OR5AS1: variants seen among roughly 807,000 people sequenced by gnomAD.
OR5AS1 encodes olfactory receptor family 5 subfamily AS member 1.
For synonymous variants in OR5AS1, 196 were observed against 141.7 expected (o/e 1.38, Z -2.72); for missense variants, 492 against 378.2 (o/e 1.30, Z -2.50).
chr11:56,031,645 T>G lies in OR5AS1; in HGVS notation c.*252T>G, dbSNP rs188166215. 3.9e-4 allele frequency: 112 copies of G among 286,640 alleles called. No homozygotes were observed. The highest frequency in any genetic ancestry group is 2.4e-3 in the African/African-American group (108 of 45,938). 17.8% of individuals were successfully genotyped at this position (286,640 alleles called of 1,614,324 possible). Reference sequence around the variant, plus strand: ...TGTACATTGATTCTGTTCTTTACGATGTTGTATTGAAGGTAAATATTGACT... The same window carrying G: ...TGTACATTGATTCTGTTCTTTACGAGGTTGTATTGAAGGTAAATATTGACT... On this transcript the variant is annotated 3_prime_UTR_variant, in exon 2 of 2. Transcript: ENST00000641320.
chr11:56,030,666 C>G lies in OR5AS1; in HGVS notation c.248C>G (p.Ala83Gly), dbSNP rs1323955707. The G allele has an allele frequency of 3.8e-6, 6 of 1,584,004 alleles. No homozygotes were observed. The highest frequency in any genetic ancestry group is 4.3e-6 in the Non-Finnish European group (5 of 1,163,772). ...CSTAITPKMLANFLASRKSIS... is the reference protein window; with the variant it reads ...CSTAITPKMLGNFLASRKSIS... ...ACAGCAATCACTCCTAAAATGCTGG[C>G]AAACTTCTTGGCATCCAGGAAAAGC... The change falls in exon 2 of 2, where the codon GCA becomes GGA. Residue 83 changes from alanine (A) to glycine (G), a missense_variant. By Grantham distance (60) the Ala-to-Gly change is moderately conservative (BLOSUM62 0). Transcript: ENST00000641320.
rs1853337220 is a variant in OR5AS1 at position 56,030,625 on chromosome 11, A to G, written c.207A>G (p.Leu69=). ...ATTTTCTTAGCAACTTATCTTTCTT[A>G]GACATCAGCTGTTCTACAGCAATCA... ...MYYFLSNLSF[L]DISCSTAITP... Residue 69 remains leucine (L), a synonymous_variant, in exon 2 of 2, where the codon TTA becomes TTG. Transcript: ENST00000641320. 6.4e-7 allele frequency: 1 copy of G among 1,551,558 alleles called. No homozygotes were observed. The highest frequency in any genetic ancestry group is 8.7e-7 in the Non-Finnish European group (1 of 1,152,136).
Position 56,031,017 on chromosome 11 carries a change from T to G in OR5AS1, c.599T>G (p.Phe200Cys). ...ACTCAGATCAACCAGCTTCTGCTCT[T>G]TGCTTTGTGCAGCTTCATCCAGACC... The part of the protein sequence containing the change: ...TDTQINQLLL[F>C]ALCSFIQTST... The change falls in exon 2 of 2, where the codon TTT becomes TGT. Residue 200 changes from phenylalanine (F) to cysteine (C), a missense_variant. Physicochemically the swap from Phe to Cys is radical, Grantham distance 205. Coordinates refer to ENST00000641320, the MANE Select transcript of OR5AS1 (RefSeq NM_001001921.2). 1 of 1,614,182 alleles carries G rather than the reference T, an allele frequency of 6.2e-7. No individual in the cohort carries two copies. Among genetic ancestry groups the G allele is most frequent in the South Asian group, 1.1e-5 (1 of 91,092 alleles).
rs1853380638 is a variant in OR5AS1, at chr11:56,034,171, T to G, written c.*2778T>G. The G allele has an allele frequency of 6.6e-6, 1 of 152,124 alleles. No individual in the cohort carries two copies. Among genetic ancestry groups the G allele is most frequent in the South Asian group, 2.1e-4 (1 of 4,832 alleles). 9.4% of individuals were successfully genotyped at this position (152,124 alleles called of 1,614,324 possible). A position where few individuals can be genotyped will look rare whatever the true frequency, so the allele number is the denominator to read the frequency against. On this transcript the variant is annotated 3_prime_UTR_variant, in exon 2 of 2. Transcript: ENST00000641320. ...CCAATGCAAAAAGGCTGAAAATTTC[T>G]AAAACCAGACATCTCTTCTCCCACA...
chr11:56,036,087 G>A lies in OR5AS1; in HGVS notation c.*4694G>A, dbSNP rs933437651. On this transcript the variant is annotated 3_prime_UTR_variant, in exon 2 of 2. Coordinates refer to ENST00000641320, the MANE Select transcript of OR5AS1 (RefSeq NM_001001921.2). Reference sequence around the variant, plus strand: ...TAAATAAGTTATTTGAAACCAATGAGAACAAAGACACAAGGTATCAGAATC... The same window carrying A: ...TAAATAAGTTATTTGAAACCAATGAAAACAAAGACACAAGGTATCAGAATC... 15 of 152,116 alleles carry A rather than the reference G, an allele frequency of 9.9e-5. No homozygotes were observed. The East Asian group carries it at 2.9e-3, about 29-fold the overall frequency. 9.4% of individuals were successfully genotyped at this position (152,116 alleles called of 1,614,324 possible). A position where few individuals can be genotyped will look rare whatever the true frequency, so the allele number is the denominator to read the frequency against.
At position 56,030,836 on chromosome 11, in the gene OR5AS1, GTC is replaced by G. The variant is rs755949739; in HGVS notation, c.420_421del (p.Val142LeufsTer38). ...CTATACTACACTGATGTCTAGGAGA[GTC>G]TGTGTCTGCTTCATTGTGTTGGCAT... Reference protein sequence around the residue: ...LLYTTLMSRRVCVCFIVLAYF... With the variant: ...LLYTTLMSRRXCVCFIVLAYF... On this transcript the variant is annotated frameshift_variant, in exon 2 of 2. Coordinates refer to ENST00000641320, the MANE Select transcript of OR5AS1 (RefSeq NM_001001921.2). LOFTEE classifies it low-confidence loss of function (END_TRUNC). 7.4e-6 allele frequency: 12 copies of G among 1,613,546 alleles called. No individual in the cohort carries two copies. The highest frequency in any genetic ancestry group is 1.7e-6 in the Non-Finnish European group (2 of 1,179,608).
rs555503165 is a variant in OR5AS1, at chr11:56,036,053, A to C, written c.*4660A>C. 1 of 152,252 alleles carries C rather than the reference A, an allele frequency of 6.6e-6. No individual in the cohort carries two copies. The highest frequency in any genetic ancestry group is 6.5e-5 in the Admixed American group (1 of 15,292). 9.4% of individuals were successfully genotyped at this position (152,252 alleles called of 1,614,324 possible). A position where few individuals can be genotyped will look rare whatever the true frequency, so the allele number is the denominator to read the frequency against. On this transcript the variant is annotated 3_prime_UTR_variant, in exon 2 of 2. Transcript: ENST00000641320. ...GACTACTGGGTAAATAATGAAAATA[A>C]AGCAGAAATAAATAAGTTATTTGAA...
chr11:56,036,453 A>C lies in OR5AS1; in HGVS notation c.*5060A>C, dbSNP rs1489386669. 3.9e-5 allele frequency: 6 copies of C among 152,136 alleles called. No homozygotes were observed. The highest frequency in any genetic ancestry group is 7.3e-5 in the Non-Finnish European group (5 of 68,034). 9.4% of individuals were successfully genotyped at this position (152,136 alleles called of 1,614,324 possible). On this transcript the variant is annotated 3_prime_UTR_variant, in exon 2 of 2. Coordinates refer to ENST00000641320, the MANE Select transcript of OR5AS1 (RefSeq NM_001001921.2). ...AATAAAAAATTATAAAGGGGATATC[A>C]CCACTGTTCCCACAGAAATACAAAC...
rs1333179953 is a variant in OR5AS1, at chr11:56,037,750, T to C, written c.*6357T>C. 3.5e-4 allele frequency: 2 copies of C among 5,668 alleles called. No homozygotes were observed. Among genetic ancestry groups the C allele is most frequent in the Non-Finnish European group, 8.4e-4 (2 of 2,374 alleles). 0.4% of individuals were successfully genotyped at this position (5,668 alleles called of 1,614,324 possible). ...CTATCATTGAATTTCTTCACAGAATTAGAAAAAAAAAAAAACTACTTTAAA... is the reference window on the plus strand; with the variant it reads ...CTATCATTGAATTTCTTCACAGAATCAGAAAAAAAAAAAAACTACTTTAAA... On this transcript the variant is annotated 3_prime_UTR_variant, in exon 2 of 2. Transcript: ENST00000641320.
intron 1 of OR5AS1, among the ~76,000 whole-genome samples, chr11:56,030,045 C>T (rs559551712): frequency 6.6e-6 from 1 of 152,140 alleles, no homozygotes; most frequent in East Asian, 1.9e-4. Context: ...GAGAGCTTTG[C>T]CTCTAAAGAT....
Position 56,032,839 on chromosome 11 carries a change from G to A in OR5AS1, c.*1446G>A, listed in dbSNP as rs964088440. The stretch of plus-strand genomic sequence containing the variant: ...AGTTATGTTTGGTGGCTGGCAAGAT[G>A]GTCAAATAGGAGATGCTCCAGTCTG... On this transcript the variant is annotated 3_prime_UTR_variant, in exon 2 of 2. Transcript: ENST00000641320. The A allele has an allele frequency of 8.5e-5, 13 of 152,212 alleles. No homozygotes were observed. Among genetic ancestry groups the A allele is most frequent in the African/African-American group, 2.9e-4 (12 of 41,482 alleles). The allele number at this position is 152,212 out of a possible 1,614,324, so 9.4% of individuals were successfully genotyped here.
In OR5AS1 at chr11:56,033,765, T is replaced by C. The variant is rs1423775276; in HGVS notation, c.*2372T>C. The C allele has an allele frequency of 6.6e-6, 1 of 152,094 alleles. No homozygotes were observed. Among genetic ancestry groups the C allele is most frequent in the Non-Finnish European group, 1.5e-5 (1 of 68,064 alleles). The allele number at this position is 152,094 out of a possible 1,614,324, so 9.4% of individuals were successfully genotyped here. A position where few individuals can be genotyped will look rare whatever the true frequency, so the allele number is the denominator to read the frequency against. On this transcript the variant is annotated 3_prime_UTR_variant, in exon 2 of 2. Coordinates refer to ENST00000641320, the MANE Select transcript of OR5AS1 (RefSeq NM_001001921.2). ...GAGCAGCATACCTCCCAGCACATCGTTCAAGCTCTCCTAAGAGATAGACTC... is the reference window on the plus strand; with the variant it reads ...GAGCAGCATACCTCCCAGCACATCGCTCAAGCTCTCCTAAGAGATAGACTC...
In OR5AS1 at chr11:56,032,849, G is replaced by A. The variant is rs1853365404; in HGVS notation, c.*1456G>A. 1 of 152,116 alleles carries A rather than the reference G, an allele frequency of 6.6e-6. No individual in the cohort carries two copies. The highest frequency in any genetic ancestry group is 6.5e-5 in the Admixed American group (1 of 15,270). The allele number at this position is 152,116 out of a possible 1,614,324, so 9.4% of individuals were successfully genotyped here. A position where few individuals can be genotyped will look rare whatever the true frequency, so the allele number is the denominator to read the frequency against. On this transcript the variant is annotated 3_prime_UTR_variant, in exon 2 of 2. Coordinates refer to ENST00000641320, the MANE Select transcript of OR5AS1 (RefSeq NM_001001921.2). ...GGTGGCTGGCAAGATGGTCAAATAG[G>A]AGATGCTCCAGTCTGCTGCTCCCAG...
At position 56,034,408 on chromosome 11, in the gene OR5AS1, A is replaced by G. The variant is rs575113877; in HGVS notation, c.*3015A>G. ...GCTAATTAGAATAACTGGTTTGAAG[A>G]GAACATAAATAACCTGATGGAGCTG... is the stretch of plus-strand genomic sequence containing the variant. On this transcript the variant is annotated 3_prime_UTR_variant, in exon 2 of 2. Transcript: ENST00000641320. 6.6e-6 allele frequency: 1 copy of G among 152,268 alleles called. No homozygotes were observed. Among genetic ancestry groups the G allele is most frequent in the East Asian group, 1.9e-4 (1 of 5,182 alleles). 9.4% of individuals were successfully genotyped at this position (152,268 alleles called of 1,614,324 possible).
chr11:56,030,434 T>G lies in OR5AS1; in HGVS notation c.16T>G (p.Tyr6Asp). 6.7e-7 allele frequency: 1 copy of G among 1,484,096 alleles called. No homozygotes were observed. Among genetic ancestry groups the G allele is most frequent in the Non-Finnish European group, 9.0e-7 (1 of 1,116,674 alleles). 91.9% of individuals were successfully genotyped at this position (1,484,096 alleles called of 1,614,324 possible). The change falls in exon 2 of 2, where the codon TAC becomes GAC. Residue 6 changes from tyrosine to aspartate, a missense_variant. Transcript: ENST00000641320. The stretch of plus-strand genomic sequence containing the variant: ...GAAAACTAAGATGTTGGAGAGTAAT[T>G]ACACCATGCCAACTGAGTTCCTATT... MLESNYTMPTEFLFVG... is the reference protein window; with the variant it reads MLESNDTMPTEFLFVG...
chr11:56,030,652 T>C lies in OR5AS1; in HGVS notation c.234T>C (p.Thr78=). The C allele has an allele frequency of 6.3e-7, 1 of 1,578,752 alleles. No homozygotes were observed. Among genetic ancestry groups the C allele is most frequent in the East Asian group, 2.2e-5 (1 of 44,530 alleles). The change falls in exon 2 of 2, where the codon ACT becomes ACC. Residue 78 remains threonine (T), a synonymous_variant. Coordinates refer to ENST00000641320, the MANE Select transcript of OR5AS1 (RefSeq NM_001001921.2). Reference sequence around the variant, plus strand: ...ACATCAGCTGTTCTACAGCAATCACTCCTAAAATGCTGGCAAACTTCTTGG... The same window carrying C: ...ACATCAGCTGTTCTACAGCAATCACCCCTAAAATGCTGGCAAACTTCTTGG... ...FLDISCSTAI[T]PKMLANFLAS...
Position 56,032,402 on chromosome 11 carries a change from ATAAT to A in OR5AS1, c.*1013_*1016del, listed in dbSNP as rs1853360352. ...AATTTTTACTCTGTAATCGATTTTG[ATAAT>A]TAAATTATCAGATTTTTTGTGGTTT... On this transcript the variant is annotated 3_prime_UTR_variant, in exon 2 of 2. Coordinates refer to ENST00000641320, the MANE Select transcript of OR5AS1 (RefSeq NM_001001921.2). The A allele has an allele frequency of 6.6e-6, 1 of 152,132 alleles. No individual in the cohort carries two copies. The highest frequency in any genetic ancestry group is 2.4e-5 in the African/African-American group (1 of 41,392). The allele number at this position is 152,132 out of a possible 1,614,324, so 9.4% of individuals were successfully genotyped here. A position where few individuals can be genotyped will look rare whatever the true frequency, so the allele number is the denominator to read the frequency against.
At chr11:56,027,804 T>C (rs1374576596) in intron 1 of OR5AS1, 92 bp downstream of exon 1, 1 of 120,184 alleles carries the variant, frequency 8.3e-6, no homozygotes, top group Non-Finnish European at 1.9e-5. Context: ...GTATCTCTGC[T>C]ATTTCTGTGT....
chr11:56,031,347 A>G lies in OR5AS1; in HGVS notation c.929A>G (p.Tyr310Cys), dbSNP rs17600939. Reference protein sequence around the residue: ...ALKKLLERIGYSNEWYLNRLR... With the variant: ...ALKKLLERIGCSNEWYLNRLR... ...AAAAAGCTATTAGAAAGAATTGGAT[A>G]TTCAAATGAATGGTATTTAAATCGT... The change falls in exon 2 of 2, where the codon TAT becomes TGT. Residue 310 changes from tyrosine (Y) to cysteine (C), a missense_variant. Coordinates refer to ENST00000641320, the MANE Select transcript of OR5AS1 (RefSeq NM_001001921.2). The G allele has an allele frequency of 0.072, 113,555 of 1,568,728 alleles. 4,662 individuals are homozygous for G. The highest frequency in any genetic ancestry group is 0.081 in the Non-Finnish European group (93,396 of 1,155,930).
Sources: gnomAD v4.1 joint callset for allele counts (sites outside exome capture counted in the v4.1 genomes callset) on GRCh38, gnomAD v4.1.1 for gene constraint, MANE v1.5 for transcripts, NCBI Gene and HGNC (gene_info 2026-07-23, HGNC 2026-07-21) for gene names.